The following SERPINF1 variants were observed in gnomAD, a reference collection of about 807,000 sequenced individuals.
The protein encoded by SERPINF1 is serpin family F member 1, also known as pigment epithelium-derived factor.
SERPINF1 carries 29 observed loss-of-function variants against 37.3 expected under a neutral mutation model. The ratio of observed to expected loss-of-function variants is 0.78; its 90% CI spans 0.58 to 1.06. The LOEUF is 1.06. SERPINF1 is among the 50% of genes least tolerant of loss of function. The pLI is 0.00. For missense variants in SERPINF1, 553 were observed against 532.2 expected, an observed-to-expected ratio of 1.04 and a Z score of -0.38; for synonymous variants, 281 against 227.9, an observed-to-expected ratio of 1.23 and a Z score of -2.10.
In SERPINF1 at chr17:1,776,715, G is replaced by C; in HGVS notation, c.970G>C (p.Glu324Gln). Residue 324 changes from glutamate (E) to glutamine (Q), a missense_variant, in exon 7 of 8, where the codon GAA becomes CAA. Glu to Gln is a conservative substitution (Grantham distance 29). Transcript: ENST00000254722. ...VPKLKLSYEG[E>Q]VTKSLQEMKL... ...CAAGCTGAAGCTGAGTTATGAAGGCGAAGTCACCAAGTCCCTGCAGGAGAT... is the reference window on the plus strand; with the variant it reads ...CAAGCTGAAGCTGAGTTATGAAGGCCAAGTCACCAAGTCCCTGCAGGAGAT... The C allele has an allele frequency of 1.2e-6, 2 of 1,613,088 alleles. No individual in the cohort carries two copies. Among genetic ancestry groups the C allele is most frequent in the South Asian group, 2.2e-5 (2 of 90,964 alleles).
intron 3 of SERPINF1, 83 bp from the exon 4 acceptor site, chr17:1,770,946 G>A (rs1006265947): frequency 3.4e-5 from 53 of 1,552,370 alleles, no homozygotes; most frequent in Non-Finnish European, 4.7e-5. Flanking sequence ...AAAAAGATGA[G>A]TATAGTGTCT....
intron 2 of SERPINF1, among the ~76,000 whole-genome samples, chr17:1,768,502 C>T (rs1207841034): frequency 6.6e-6 from 1 of 151,198 alleles, no homozygotes; most frequent in African/African-American, 2.4e-5. Flanking sequence ...GAGACAGAGT[C>T]TCACTCCATC....
chr17:1,770,291 T>C (rs1001937444), intron 3 of SERPINF1, among the ~76,000 whole-genome samples: 2 of 152,096 alleles, frequency 1.3e-5, no homozygotes, highest in African/African-American at 4.8e-5. Flanking sequence ...GGTTCGCTTA[T>C]TGACACAGTG....
Position 1,777,186 on chromosome 17 carries a change from G to A in SERPINF1, c.998-1G>A, listed in dbSNP as rs772728968. 3 of 1,613,968 alleles carry A rather than the reference G, an allele frequency of 1.9e-6. No individual in the cohort carries two copies. The highest frequency in any genetic ancestry group is 1.3e-5 in the African/African-American group (1 of 74,868). On this transcript the variant is annotated splice_acceptor_variant, in intron 7 of 7. Transcript: ENST00000254722. LOFTEE classifies it high-confidence loss of function. ...ACGGAAATCTCTCTCCATCTCTACAGAGCTGCAATCCTTGTTTGATTCACC... is the reference window on the plus strand; with the variant it reads ...ACGGAAATCTCTCTCCATCTCTACAAAGCTGCAATCCTTGTTTGATTCACC...
Position 1,769,997 on chromosome 17 carries a change from A to G in SERPINF1, c.230A>G (p.Asn77Ser), listed in dbSNP as rs1205987384. The change falls in exon 3 of 8, where the codon AAC becomes AGC. Residue 77 changes from asparagine to serine, a missense_variant. Transcript: ENST00000254722. ...RVRSSTSPTT[N>S]VLLSPLSVAT... is the part of the protein sequence containing the mutation. ...CGATCCAGCACGAGCCCCACGACCA[A>G]CGTGCTCCTGTCTCCTCTCAGTGTG... is the stretch of plus-strand genomic sequence containing the variant. The G allele has an allele frequency of 3.7e-6, 6 of 1,613,914 alleles. No homozygotes were observed. The African/African-American group carries it at 5.3e-5, about 14-fold the overall frequency.
intron 4 of SERPINF1, among the ~76,000 whole-genome samples, chr17:1,771,415 T>C (rs1907731671): frequency 6.6e-6 from 1 of 151,978 alleles, no homozygotes; most frequent in South Asian, 2.1e-4. Context: ...CTTTTTTGTA[T>C]TTTTAGCAGA....
intron 2 of SERPINF1, among the ~76,000 whole-genome samples, chr17:1,767,219 C>A (rs1024021320): frequency 6.6e-6 from 1 of 152,162 alleles, no homozygotes; most frequent in Non-Finnish European, 1.5e-5. Context: ...GAGTAAAAAT[C>A]TGAAGCACTT....
In SERPINF1 at chr17:1,777,449, T is replaced by A. The variant is rs762109203; in HGVS notation, c.*3T>A. 6.2e-7 allele frequency: 1 copy of A among 1,613,926 alleles called. No individual in the cohort carries two copies. Among genetic ancestry groups the A allele is most frequent in the South Asian group, 1.1e-5 (1 of 91,076 alleles). ...TTCTGGACCCCAGGGGCCCCTAATA[T>A]CCCAGTTTAATATTCCAATACCCTA... On this transcript the variant is annotated 3_prime_UTR_variant, in exon 8 of 8. Transcript: ENST00000254722.
In SERPINF1 at chr17:1,775,060, C is replaced by G; in HGVS notation, c.646C>G (p.Gln216Glu). The change falls in exon 6 of 8, where the codon CAG (glutamine) becomes GAG (glutamate). Residue 216 changes from glutamine to glutamate, a missense_variant and splice_region_variant. Coordinates refer to ENST00000254722, the MANE Select transcript of SERPINF1 (RefSeq NM_002615.7). Reference protein sequence around the residue: ...LLLGVAHFKGQWVTKFDSRKT... With the variant: ...LLLGVAHFKGEWVTKFDSRKT... Reference sequence around the variant, plus strand: ...CTATGTCATACACTTCTTTCCAGGGCAGTGGGTAACAAAGTTTGACTCCAG... The same window carrying G: ...CTATGTCATACACTTCTTTCCAGGGGAGTGGGTAACAAAGTTTGACTCCAG... 1 of 1,614,098 alleles carries G rather than the reference C, an allele frequency of 6.2e-7. No individual in the cohort carries two copies. The highest frequency in any genetic ancestry group is 1.7e-5 in the Admixed American group (1 of 59,988).
intron 1 of SERPINF1, among the ~76,000 whole-genome samples, chr17:1,765,351 T>C (rs1199427248): frequency 2.6e-5 from 4 of 151,760 alleles, no homozygotes. Flanking sequence ...TGAGACTAAG[T>C]CTTGCTCTGT....
chr17:1,772,749 G>A (rs986869648), intron 5 of SERPINF1, among the ~76,000 whole-genome samples: 1 of 147,190 alleles, frequency 6.8e-6, no homozygotes, highest in African/African-American at 2.5e-5. Flanking sequence ...TAGTAGAGAC[G>A]GGGTTTCACC....
At chr17:1,770,534 A>G in intron 3 of SERPINF1, 1 of 215,902 alleles carries the variant, frequency 4.6e-6, no homozygotes, top group East Asian at 1.2e-4. Context: ...ATCTCAGCTC[A>G]CTGCAACCTC....
intron 6 of SERPINF1, among the ~76,000 whole-genome samples, chr17:1,775,743 A>G (rs530330045): frequency 2.1e-4 from 32 of 152,148 alleles, no homozygotes; most frequent in Non-Finnish European, 3.7e-4. Flanking sequence ...CATGTTGGTC[A>G]GGCTGGTCTC....
rs750348094 is a variant in SERPINF1 at position 1,776,704 on chromosome 17, G to A, written c.959G>A (p.Ser320Asn). 7.4e-6 allele frequency: 12 copies of A among 1,613,172 alleles called. No individual in the cohort carries two copies. In the African/African-American group the frequency reaches 1.5e-4, roughly 20 times the overall value. The change falls in exon 7 of 8, where the codon AGT becomes AAT. Residue 320 changes from serine to asparagine, a missense_variant. Physicochemically the swap from Ser to Asn is conservative, Grantham distance 46 (BLOSUM62 1). Coordinates refer to ENST00000254722, the MANE Select transcript of SERPINF1 (RefSeq NM_002615.7). ...CTCACTGTCCCCAAGCTGAAGCTGA[G>A]TTATGAAGGCGAAGTCACCAAGTCC... ...AVLTVPKLKL[S>N]YEGEVTKSLQ...
intron 3 of SERPINF1, 58 bp downstream of exon 3, chr17:1,770,108 T>C: frequency 1.3e-6 from 2 of 1,581,192 alleles, no homozygotes; most frequent in Non-Finnish European, 1.7e-6. Flanking sequence ...CTGTGGCCTC[T>C]GCGTAAACGT....
At chr17:1,771,673 C>T (rs945933556) in intron 4 of SERPINF1, 199 bp from the exon 5 acceptor site, 58 of 635,200 alleles carry the variant, frequency 9.1e-5, no homozygotes, top group Middle Eastern at 8.4e-4. Context: ...AGGGCAGTGG[C>T]GCGATGTGGG....
intron 2 of SERPINF1, among the ~76,000 whole-genome samples, chr17:1,768,476 T>TA (rs548065768): frequency 2.0e-5 from 3 of 151,726 alleles, no homozygotes; most frequent in Admixed American, 1.3e-4. Context: ...TTCTTTTTTT[T>TA]AACTTTCTTT....
chr17:1,777,550 A>G lies in SERPINF1; in HGVS notation c.*104A>G. Reference sequence around the variant, plus strand: ...GTAAGGTTTCAATGCATACAATAAAAGAGCTTTATCCCTAACTTCTGTTAC... The same window carrying G: ...GTAAGGTTTCAATGCATACAATAAAGGAGCTTTATCCCTAACTTCTGTTAC... On this transcript the variant is annotated 3_prime_UTR_variant, in exon 8 of 8. Transcript: ENST00000254722. 1 of 1,405,808 alleles carries G rather than the reference A, an allele frequency of 7.1e-7. No individual in the cohort carries two copies. The highest frequency in any genetic ancestry group is 1.0e-6 in the Non-Finnish European group (1 of 999,108). 87.1% of individuals were successfully genotyped at this position (1,405,808 alleles called of 1,614,324 possible).
intron 5 of SERPINF1, among the ~76,000 whole-genome samples, chr17:1,773,212 G>A (rs1907848264): frequency 6.6e-6 from 1 of 152,160 alleles, no homozygotes; most frequent in Non-Finnish European, 1.5e-5. Flanking sequence ...CACTGGGTCT[G>A]TTTGGGGCTT....
Sources: gnomAD v4.1 joint callset for allele counts (sites outside exome capture counted in the v4.1 genomes callset) on GRCh38, gnomAD v4.1.1 for gene constraint, MANE v1.5 for transcripts, NCBI Gene and HGNC (gene_info 2026-07-23, HGNC 2026-07-21) for gene names.